ABCB8: variants seen among roughly 807,000 people sequenced by gnomAD.
The protein encoded by ABCB8 is mitochondrial potassium channel ATP-binding subunit.
A neutral mutation model predicts 73.0 loss-of-function variants in ABCB8; 52 were observed. The observed-to-expected ratio is 0.71, with a 90% CI of 0.57 to 0.90. ABCB8 has a LOEUF of 0.90. ABCB8 is among the 40% of genes least tolerant of loss of function. The probability of loss-of-function intolerance (pLI) is 0.00; values close to 1 mark genes in which losing one functional copy is unlikely to be tolerated. For missense variants in ABCB8, 909 were observed against 974.6 expected (o/e 0.93, Z 0.90); for synonymous variants, 428 against 423.5 (o/e 1.01, Z -0.13).
chr7:151,028,582 C>T lies in ABCB8; in HGVS notation c.67C>T (p.Leu23Phe), dbSNP rs147628635. 3 of 1,613,968 alleles carry T rather than the reference C, an allele frequency of 1.9e-6. No individual in the cohort carries two copies. The highest frequency in any genetic ancestry group is 2.7e-5 in the African/African-American group (2 of 75,064). Residue 23 changes from leucine (L) to phenylalanine (F), a missense_variant, in exon 1 of 16, where the codon CTC (leucine) becomes TTC (phenylalanine). Transcript: ENST00000358849. ...ATTCCCAGGCAGGCTGCTACCGCCC[C>T]TCCGCTTCCAGACATTCTCAGCTGT... Reference protein sequence around the residue: ...GPFPGRLLPPLRFQTFSAVRY... With the variant: ...GPFPGRLLPPFRFQTFSAVRY...
At chr7:151,028,765 C>A in intron 1 of ABCB8, 155 bp downstream of exon 1, 1 of 1,535,254 alleles carries the variant, frequency 6.5e-7, no homozygotes. Flanking sequence ...GGGTGTTGGC[C>A]TCAATTATTT....
chr7:151,040,904 G>A lies in ABCB8; in HGVS notation c.1465G>A (p.Val489Met), dbSNP rs149742369. The stretch of plus-strand genomic sequence containing the variant: ...GCCCCCTGGCAAGATCGTGGCCCTC[G>A]TGGGCCAGTCTGGCGGAGGTAAGGG... ...TLPPGKIVALVGQSGGGKTTV... is the reference protein window; with the variant it reads ...TLPPGKIVALMGQSGGGKTTV... Residue 489 changes from valine to methionine, a missense_variant, in exon 12 of 16, where the codon GTG (valine) becomes ATG (methionine). Coordinates refer to ENST00000358849, the MANE Select transcript of ABCB8 (RefSeq NM_007188.5). The A allele has an allele frequency of 8.5e-5, 136 of 1,605,438 alleles. No individual in the cohort carries two copies. Among genetic ancestry groups the A allele is most frequent in the Non-Finnish European group, 1.1e-4 (133 of 1,176,284 alleles).
chr7:151,028,562 C>T lies in ABCB8; in HGVS notation c.47C>T (p.Pro16Leu). Residue 16 changes from proline (P) to leucine (L), a missense_variant, in exon 1 of 16, where the codon CCA (proline) becomes CTA (leucine). Coordinates refer to ENST00000358849, the MANE Select transcript of ABCB8 (RefSeq NM_007188.5). ...GTCGGGATTCGGGGTGGCCCATTCC[C>T]AGGCAGGCTGCTACCGCCCCTCCGC... Reference protein sequence around the residue: ...FRVGIRGGPFPGRLLPPLRFQ... With the variant: ...FRVGIRGGPFLGRLLPPLRFQ... The T allele has an allele frequency of 6.2e-7, 1 of 1,614,058 alleles. No homozygotes were observed. The highest frequency in any genetic ancestry group is 1.3e-5 in the African/African-American group (1 of 75,064).
At position 151,042,062 on chromosome 7, in the gene ABCB8, T is replaced by C; in HGVS notation, c.1719T>C (p.Ala573=). ...ACACAGCCGCCCGGGAAGCGAATGC[T>C]CACGAGTTCATCACCAGCTTCCCCG... ...EVYTAAREAN[A]HEFITSFPEG... is the part of the protein sequence containing the mutation. The change falls in exon 14 of 16, where the codon GCT becomes GCC. Residue 573 remains alanine, a synonymous_variant. Transcript: ENST00000358849. The C allele has an allele frequency of 1.2e-6, 2 of 1,613,096 alleles. No individual in the cohort carries two copies. Among genetic ancestry groups the C allele is most frequent in the South Asian group, 2.2e-5 (2 of 91,074 alleles).
At chr7:151,035,209 C>T (rs893984614) in intron 5 of ABCB8, among the ~76,000 whole-genome samples, 1 of 152,236 alleles carries the variant, frequency 6.6e-6, no homozygotes, top group Non-Finnish European at 1.5e-5. Context: ...ATGCCCTCCC[C>T]TTATCCGCCC....
rs751364686 is a variant in ABCB8, at chr7:151,044,148, T to C, written c.1943T>C (p.Val648Ala). 6.2e-7 allele frequency: 1 copy of C among 1,613,954 alleles called. No homozygotes were observed. The highest frequency in any genetic ancestry group is 8.5e-7 in the Non-Finnish European group (1 of 1,179,932). Residue 648 changes from valine (V) to alanine (A), a missense_variant, in exon 15 of 16, where the codon GTA becomes GCA. Val to Ala is a moderately conservative substitution (Grantham distance 64). Transcript: ENST00000358849. ...DRASAGRTVL[V>A]IAHRLSTVRG... Reference sequence around the variant, plus strand: ...GCCAGTGCAGGCCGCACGGTGCTGGTAATTGCCCACCGGCTCAGCACTGTC... The same window carrying C: ...GCCAGTGCAGGCCGCACGGTGCTGGCAATTGCCCACCGGCTCAGCACTGTC...
At position 151,034,141 on chromosome 7, in the gene ABCB8, C is replaced by T; in HGVS notation, c.409-132C>T. The T allele has an allele frequency of 2.5e-6, 3 of 1,208,490 alleles. No homozygotes were observed. The South Asian group carries it at 4.4e-5, about 18-fold the overall frequency. 74.9% of individuals were successfully genotyped at this position (1,208,490 alleles called of 1,614,324 possible). A position where few individuals can be genotyped will look rare whatever the true frequency, so the allele number is the denominator to read the frequency against. On this transcript the variant is annotated intron_variant, in intron 2 of 15. Transcript: ENST00000358849. ...GAACCTCTGAGAGGCACTGATGTGT[C>T]CACATGACCAGCCACAACCTGGACA...
chr7:151,036,049 G>A, intron 7 of ABCB8, 24 bp from the exon 8 acceptor site: 1 of 1,612,988 alleles, frequency 6.2e-7, no homozygotes, highest in Non-Finnish European at 8.5e-7. Context: ...GCTGCCTCCT[G>A]AATGCACTGG....
chr7:151,042,049 G>A lies in ABCB8; in HGVS notation c.1706G>A (p.Arg569Gln), dbSNP rs374442680. Residue 569 changes from arginine to glutamine, a missense_variant, in exon 14 of 16, where the codon CGG becomes CAG. Physicochemically the swap from Arg to Gln is conservative, Grantham distance 43. Transcript: ENST00000358849. ...ASDEEVYTAAREANAHEFITS... is the reference protein window; with the variant it reads ...ASDEEVYTAAQEANAHEFITS... ...GATGAAGAGGTGTACACAGCCGCCC[G>A]GGAAGCGAATGCTCACGAGTTCATC... 34 of 1,613,086 alleles carry A rather than the reference G, an allele frequency of 2.1e-5. No individual in the cohort carries two copies. Among genetic ancestry groups the A allele is most frequent in the African/African-American group, 1.1e-4 (8 of 74,944 alleles).
Position 151,040,599 on chromosome 7 carries a change from G to A in ABCB8, c.1353G>A (p.Leu451=). ...GCTGCTGCGTCCCCAAAGAGCAGCT[G>A]CGTGGCTCCGTTACATTTCAGAACG... is the stretch of plus-strand genomic sequence containing the variant. The part of the protein sequence containing the change: ...SGGCCVPKEQ[L]RGSVTFQNVC... Residue 451 remains leucine, a synonymous_variant, in exon 11 of 16, where the codon CTG becomes CTA. Coordinates refer to ENST00000358849, the MANE Select transcript of ABCB8 (RefSeq NM_007188.5). The A allele has an allele frequency of 6.2e-7, 1 of 1,613,248 alleles. No homozygotes were observed. The highest frequency in any genetic ancestry group is 8.5e-7 in the Non-Finnish European group (1 of 1,179,928).
intron 15 of ABCB8, among the ~76,000 whole-genome samples, chr7:151,044,756 GAAACAT>G (rs1156774909): frequency 1.3e-5 from 2 of 152,146 alleles, no homozygotes; most frequent in African/African-American, 2.4e-5. Flanking sequence ...AAACAAAAAG[GAAACAT>G]ACTCAGAGTA....
In ABCB8 at chr7:151,033,799, AG is replaced by A; in HGVS notation, c.292del (p.Ala98GlnfsTer36). 1 of 1,613,944 alleles carries A rather than the reference AG, an allele frequency of 6.2e-7. No individual in the cohort carries two copies. The highest frequency in any genetic ancestry group is 8.5e-7 in the Non-Finnish European group (1 of 1,179,962). ...HPHLCLVALC[E>X]AEEAPPASST... The stretch of plus-strand genomic sequence containing the variant: ...CACCTCTGCCTTGTGGCCCTGTGTG[AG>A]GCAGAAGAGGCCCCTCCTGCCAGCT... On this transcript the variant is annotated frameshift_variant, in exon 2 of 16. Coordinates refer to ENST00000358849, the MANE Select transcript of ABCB8 (RefSeq NM_007188.5). LOFTEE classifies it high-confidence loss of function.
chr7:151,042,259 G>A lies in ABCB8; in HGVS notation c.1765+151G>A, dbSNP rs573028698. The A allele has an allele frequency of 4.1e-6, 5 of 1,226,580 alleles. No individual in the cohort carries two copies. The South Asian group carries it at 5.8e-5, about 14-fold the overall frequency. 76.0% of individuals were successfully genotyped at this position (1,226,580 alleles called of 1,614,324 possible). A position where few individuals can be genotyped will look rare whatever the true frequency, so the allele number is the denominator to read the frequency against. ...AGGGAAGACGAGAACCACAGCCAAA[G>A]GGGACAGAGTCGTTGTGTGGGGACA... On this transcript the variant is annotated intron_variant, in intron 14 of 15. Transcript: ENST00000358849.
chr7:151,045,185 C>T (rs760560009), intron 15 of ABCB8, 24 bp from the exon 16 acceptor site: 1 of 1,524,236 alleles, frequency 6.6e-7, no homozygotes, highest in Non-Finnish European at 8.8e-7. Flanking sequence ...GAGCAACCAT[C>T]CGCCCTTCCC....
At chr7:151,040,475 G>C in intron 10 of ABCB8, 23 bp from the exon 11 acceptor site, 1 of 1,600,490 alleles carries the variant, frequency 6.2e-7, no homozygotes, top group Non-Finnish European at 8.5e-7. Flanking sequence ...GCCTCCCTGC[G>C]GACTTTGGAT....
intron 14 of ABCB8, among the ~76,000 whole-genome samples, chr7:151,043,352 G>A (rs1351347346): frequency 6.6e-6 from 1 of 152,116 alleles, no homozygotes; most frequent in African/African-American, 2.4e-5. Flanking sequence ...GGTGGGATGA[G>A]CCAGTGCAGG....
chr7:151,043,976 C>T lies in ABCB8; in HGVS notation c.1771C>T (p.Arg591Trp), dbSNP rs777638983. The T allele has an allele frequency of 5.6e-6, 9 of 1,609,110 alleles. No homozygotes were observed. Among genetic ancestry groups the T allele is most frequent in the African/African-American group, 5.3e-5 (4 of 74,796 alleles). Residue 591 changes from arginine to tryptophan, a missense_variant, in exon 15 of 16, where the codon CGG (arginine) becomes TGG (tryptophan). Physicochemically the swap from Arg to Trp is moderately radical, Grantham distance 101. Coordinates refer to ENST00000358849, the MANE Select transcript of ABCB8 (RefSeq NM_007188.5). ...CCCTGCCCCTCCCTTCCCAGGTGAA[C>T]GGGGCACTACCCTGTCTGGGGGCCA... is the stretch of plus-strand genomic sequence containing the variant. The part of the protein sequence containing the change: ...PEGYNTVVGE[R>W]GTTLSGGQKQ...
In ABCB8 at chr7:151,042,057, A is replaced by T; in HGVS notation, c.1714A>T (p.Asn572Tyr). The T allele has an allele frequency of 6.2e-7, 1 of 1,613,158 alleles. No individual in the cohort carries two copies. Among genetic ancestry groups the T allele is most frequent in the Non-Finnish European group, 8.5e-7 (1 of 1,179,984 alleles). ...EEVYTAAREA[N>Y]AHEFITSFPE... ...GGTGTACACAGCCGCCCGGGAAGCG[A>T]ATGCTCACGAGTTCATCACCAGCTT... is the stretch of plus-strand genomic sequence containing the variant. The change falls in exon 14 of 16, where the codon AAT becomes TAT. Residue 572 changes from asparagine (N) to tyrosine (Y), a missense_variant. By Grantham distance (143) the Asn-to-Tyr change is moderately radical (BLOSUM62 -2). Coordinates refer to ENST00000358849, the MANE Select transcript of ABCB8 (RefSeq NM_007188.5).
In ABCB8 at chr7:151,040,638, A is replaced by C; in HGVS notation, c.1388+4A>C. 1 of 1,610,070 alleles carries C rather than the reference A, an allele frequency of 6.2e-7. No homozygotes were observed. The highest frequency in any genetic ancestry group is 8.5e-7 in the Non-Finnish European group (1 of 1,177,746). ...CATTTCAGAACGTCTGCTTCAGGTC[A>C]GCACGGGTGAGCAGGCGTGGGGATG... On this transcript the variant is annotated splice_donor_region_variant and intron_variant, in intron 11 of 15. Transcript: ENST00000358849.
Sources: gnomAD v4.1 joint callset for allele counts (sites outside exome capture counted in the v4.1 genomes callset) on GRCh38, gnomAD v4.1.1 for gene constraint, MANE v1.5 for transcripts, NCBI Gene and HGNC (gene_info 2026-07-23, HGNC 2026-07-21) for gene names.